Variants in PCDHGB2 observed in about 807,000 individuals in gnomAD.
PCDHGB2 encodes protocadherin gamma subfamily B, 2.
In PCDHGB2, 55 loss-of-function variants were observed where a neutral mutation model predicts 59.3. That is an observed-to-expected ratio of 0.93 (90% CI 0.75 to 1.16). The LOEUF is 1.16. Among genes scored for constraint, PCDHGB2 ranks in the 50% most tolerant of loss-of-function variants. The pLI is 0.00. For missense variants in PCDHGB2, 1,228 were observed against 1,198.5 expected (o/e 1.02, Z -0.36); for synonymous variants, 516 against 512.0 (o/e 1.01, Z -0.11).
At chr5:141,492,500 C>G (rs2099741252) in intron 1 of PCDHGB2, among the ~76,000 whole-genome samples, 1 of 152,322 alleles carries the variant, frequency 6.6e-6, no homozygotes, top group South Asian at 2.1e-4. Flanking sequence ...GCGAGGACTC[C>G]GGAGCCTCCT....
At chr5:141,471,422 A>T (rs919676109) in intron 1 of PCDHGB2, 5 of 152,176 alleles carry the variant, frequency 3.3e-5, no homozygotes, top group Non-Finnish European at 5.9e-5. Context: ...GTTTTTAGCA[A>T]GGAAAGTGTA....
At chr5:141,417,888 G>T (rs1406210540) in intron 1 of PCDHGB2, 1 of 1,566,768 alleles carries the variant, frequency 6.4e-7, no homozygotes, top group Middle Eastern at 1.7e-4. Context: ...CAGAGGCGCC[G>T]GGCCGGCCCG....
intron 1 of PCDHGB2, among the ~76,000 whole-genome samples, chr5:141,472,030 G>A (rs2099269943): frequency 6.6e-6 from 1 of 152,030 alleles, no homozygotes; most frequent in African/African-American, 2.4e-5. Flanking sequence ...TATGTAGAAA[G>A]CTGTGAAAAG....
chr5:141,361,926 C>T lies in PCDHGB2; in HGVS notation c.1791C>T (p.Asp597=). 6.2e-7 allele frequency: 1 copy of T among 1,607,688 alleles called. No individual in the cohort carries two copies. Among genetic ancestry groups the T allele is most frequent in the Non-Finnish European group, 8.5e-7 (1 of 1,178,948 alleles). ...CCAAGGTGGTGGCGGTGGACGCAGACTCAGGACACAACGCTTGGCTGTCCT... is the reference window on the plus strand; with the variant it reads ...CCAAGGTGGTGGCGGTGGACGCAGATTCAGGACACAACGCTTGGCTGTCCT... ...LVTKVVAVDA[D]SGHNAWLSYH... Residue 597 remains aspartate, a synonymous_variant, in exon 1 of 4, where the codon GAC becomes GAT. Transcript: ENST00000522605.
intron 1 of PCDHGB2, among the ~76,000 whole-genome samples, chr5:141,397,772 A>G (rs1352118170): frequency 6.6e-6 from 1 of 152,238 alleles, no homozygotes; most frequent in Non-Finnish European, 1.5e-5. Context: ...TATTAAGTAT[A>G]TGGACGTAAA....
chr5:141,492,425 C>T (rs1243599547), intron 1 of PCDHGB2, among the ~76,000 whole-genome samples: 1 of 152,254 alleles, frequency 6.6e-6, no homozygotes, highest in Non-Finnish European at 1.5e-5. Flanking sequence ...CTCCGCCGGG[C>T]TCAGGAGTAC....
intron 1 of PCDHGB2, chr5:141,418,640 A>G (rs1042874136): frequency 1.2e-6 from 2 of 1,614,042 alleles, no homozygotes; most frequent in Non-Finnish European, 1.7e-6. Flanking sequence ...AGGCACCTCC[A>G]TCCTGAGAGT....
chr5:141,476,061 C>T lies in PCDHGB2; in HGVS notation c.2422-18746C>T. On this transcript the variant is annotated intron_variant, in intron 1 of 3. Coordinates refer to ENST00000522605, the MANE Select transcript of PCDHGB2 (RefSeq NM_018923.3). The surrounding 1 kb of genome is among the most constrained non-coding windows in gnomAD (Gnocchi z 7.6). Reference sequence around the variant, plus strand: ...AAGCGCTAACCCGCTGAAAGTTTCTCAGCGAAATCTCAGGGACGATCTGGA... The same window carrying T: ...AAGCGCTAACCCGCTGAAAGTTTCTTAGCGAAATCTCAGGGACGATCTGGA... The T allele has an allele frequency of 6.6e-7, 1 of 1,508,880 alleles. No homozygotes were observed. Among genetic ancestry groups the T allele is most frequent in the Non-Finnish European group, 8.8e-7 (1 of 1,136,354 alleles). 93.5% of individuals were successfully genotyped at this position (1,508,880 alleles called of 1,614,324 possible).
In PCDHGB2 at chr5:141,477,670, A is replaced by G; in HGVS notation, c.2422-17137A>G. 1 of 1,614,198 alleles carries G rather than the reference A, an allele frequency of 6.2e-7. No individual in the cohort carries two copies. The highest frequency in any genetic ancestry group is 1.7e-5 in the Admixed American group (1 of 60,028). ...TCACAATAAATCGTGACAATGGCAT[A>G]GTGTCATCCTTAGTGCCCCTAGACT... On this transcript the variant is annotated intron_variant, in intron 1 of 3. Coordinates refer to ENST00000522605, the MANE Select transcript of PCDHGB2 (RefSeq NM_018923.3). This position sits in a 1 kb window ranked among gnomAD's most constrained non-coding sequence, Gnocchi z 4.9.
chr5:141,392,810 A>G (rs772526220), intron 1 of PCDHGB2: 41 of 1,580,272 alleles, frequency 2.6e-5, no homozygotes, highest in Middle Eastern at 1.7e-4. Context: ...GCAGCAAAAC[A>G]ACAATGGCCG....
At chr5:141,430,915 G>A (rs565034370) in intron 1 of PCDHGB2, 2 of 1,607,738 alleles carry the variant, frequency 1.2e-6, no homozygotes, top group East Asian at 4.5e-5. Context: ...CCAGGGACCT[G>A]GGGCTGGAGC....
chr5:141,423,877 C>G, intron 1 of PCDHGB2: 1 of 1,283,890 alleles, frequency 7.8e-7, no homozygotes, highest in South Asian at 3.4e-5. Flanking sequence ...ATTTTTCAAT[C>G]TTGGCATATT....
chr5:141,360,382 G>C lies in PCDHGB2; in HGVS notation c.247G>C (p.Asp83His). ...TTTCACAGTAAACCCAGAAAGCGGA[G>C]ACTTACTTGTGAGTGACAGAATAGA... Reference protein sequence around the residue: ...EYFTVNPESGDLLVSDRIDRE... With the variant: ...EYFTVNPESGHLLVSDRIDRE... The change falls in exon 1 of 4, where the codon GAC (aspartate) becomes CAC (histidine). Residue 83 changes from aspartate (D) to histidine (H), a missense_variant. By Grantham distance (81) the Asp-to-His change is moderately conservative. Around this residue, in one of 3 missense-constraint regions of PCDHGB2, gnomAD observed 781 missense variants for 721.6 expected, o/e 1.08. Coordinates refer to ENST00000522605, the MANE Select transcript of PCDHGB2 (RefSeq NM_018923.3). 6.2e-7 allele frequency: 1 copy of C among 1,613,906 alleles called. No individual in the cohort carries two copies. Among genetic ancestry groups the C allele is most frequent in the South Asian group, 1.1e-5 (1 of 91,084 alleles).
chr5:141,486,083 C>T lies in PCDHGB2; in HGVS notation c.2422-8724C>T, dbSNP rs367657659. On this transcript the variant is annotated intron_variant, in intron 1 of 3. Coordinates refer to ENST00000522605, the MANE Select transcript of PCDHGB2 (RefSeq NM_018923.3). This position sits in a 1 kb window ranked among gnomAD's most constrained non-coding sequence, Gnocchi z 5.0. ...GCACCCCACTACTGGAAAGCTTACTCTTTTGGGGCCCCTAGACTTTGAGAG... is the reference window on the plus strand; with the variant it reads ...GCACCCCACTACTGGAAAGCTTACTTTTTTGGGGCCCCTAGACTTTGAGAG... The T allele has an allele frequency of 1.2e-6, 2 of 1,614,062 alleles. No individual in the cohort carries two copies. Among genetic ancestry groups the T allele is most frequent in the Non-Finnish European group, 1.7e-6 (2 of 1,180,040 alleles).
chr5:141,481,021 GC>G (rs2099529893), intron 1 of PCDHGB2, among the ~76,000 whole-genome samples: 1 of 152,076 alleles, frequency 6.6e-6, no homozygotes, highest in Non-Finnish European at 1.5e-5. Context: ...TCACACCACT[GC>G]ACTCCAGCCT....
Position 141,408,292 on chromosome 5 carries a change from T to C in PCDHGB2, c.2421+45736T>C, listed in dbSNP as rs752767472. On this transcript the variant is annotated intron_variant, in intron 1 of 3. Coordinates refer to ENST00000522605, the MANE Select transcript of PCDHGB2 (RefSeq NM_018923.3). ...TGCCTTTGTTCTACCCCACCCTGAGTGAGCCGATCCGCTACTCGATTCCGG... is the reference window on the plus strand; with the variant it reads ...TGCCTTTGTTCTACCCCACCCTGAGCGAGCCGATCCGCTACTCGATTCCGG... The C allele has an allele frequency of 5.0e-6, 8 of 1,613,504 alleles. No homozygotes were observed. The South Asian group carries it at 8.8e-5, about 18-fold the overall frequency.
intron 1 of PCDHGB2, among the ~76,000 whole-genome samples, chr5:141,443,772 C>T (rs1284723564): frequency 6.6e-6 from 1 of 151,568 alleles, no homozygotes; most frequent in Non-Finnish European, 1.5e-5. Context: ...TACAATATTA[C>T]CAAAAAGACA....
At chr5:141,462,157 A>C (rs1232551906) in intron 1 of PCDHGB2, among the ~76,000 whole-genome samples, 1 of 151,394 alleles carries the variant, frequency 6.6e-6, no homozygotes, top group African/African-American at 2.4e-5. Flanking sequence ...ATGGGGTTTC[A>C]TCATGTTGGC....
chr5:141,403,527 C>G lies in PCDHGB2; in HGVS notation c.2421+40971C>G. The G allele has an allele frequency of 3.1e-6, 5 of 1,614,022 alleles. No homozygotes were observed. The South Asian group carries it at 5.5e-5, about 18-fold the overall frequency. The stretch of plus-strand genomic sequence containing the variant: ...ACTGGAGACAATGGAGCCATAAACC[C>G]AGAGCTGGTGCTGGAGCGCGCCCTG... On this transcript the variant is annotated intron_variant, in intron 1 of 3. Coordinates refer to ENST00000522605, the MANE Select transcript of PCDHGB2 (RefSeq NM_018923.3).
Sources: gnomAD v4.1 joint callset for allele counts (sites outside exome capture counted in the v4.1 genomes callset) on GRCh38, gnomAD v4.1.1 for gene constraint, gnomAD v4.1.1 regional missense constraint, Gnocchi (gnomAD v3.1) non-coding constraint, MANE v1.5 for transcripts, NCBI Gene and HGNC (gene_info 2026-07-23, HGNC 2026-07-21) for gene names.